LY96: variants seen among roughly 807,000 people sequenced by gnomAD.
The protein encoded by LY96 is lymphocyte antigen 96.
Under a neutral mutation model 18.9 loss-of-function variants are expected in LY96, and 18 were observed. That is an observed-to-expected ratio of 0.95 (90% CI 0.66 to 1.41). LY96 has a LOEUF of 1.41. LY96 is among the 40% of genes most tolerant of loss of function. The pLI, the probability that LY96 is intolerant of heterozygous loss-of-function variation, is 0.00. For missense variants in LY96, 175 were observed against 182.4 expected (o/e 0.96, Z 0.23); for synonymous variants, 66 against 62.6 (o/e 1.06, Z -0.26).
chr8:74,083,936 C>T, the LY96 span, among the ~76,000 whole-genome samples: 1 of 152,090 alleles, frequency 6.6e-6, no homozygotes, highest in Admixed American at 6.5e-5. Context: ...ATCCTTCCAC[C>T]TTGGCCTCCC....
chr8:74,013,410 C>T (rs999296765), intron 3 of LY96, among the ~76,000 whole-genome samples: 1 of 152,082 alleles, frequency 6.6e-6, no homozygotes. Flanking sequence ...GCTGAGATTA[C>T]AGGTGTGAGC....
chr8:74,088,083 A>AGAATAGAAT, the LY96 span, among the ~76,000 whole-genome samples: 11 of 120,324 alleles, frequency 9.1e-5, no homozygotes, highest in Non-Finnish European at 1.7e-5. Flanking sequence ...TCACTGAGAG[A>AGAATAGAAT]AGAATAGAAT....
chr8:74,076,856 C>G, the LY96 span, among the ~76,000 whole-genome samples: 31 of 152,210 alleles, frequency 2.0e-4, no homozygotes, highest in African/African-American at 7.0e-4. Context: ...GACTATCTAC[C>G]TGAAGTTGGC....
At chr8:74,014,883 A>G (rs2131272900) in intron 3 of LY96, among the ~76,000 whole-genome samples, 1 of 151,754 alleles carries the variant, frequency 6.6e-6, no homozygotes, top group South Asian at 2.1e-4. Context: ...TTTATGAATC[A>G]ATGGATGGAT....
At chr8:73,996,386 T>TTTCC (rs1816141679) in intron 1 of LY96, among the ~76,000 whole-genome samples, 1 of 42,522 alleles carries the variant, frequency 2.4e-5, no homozygotes, top group Non-Finnish European at 4.6e-5. Flanking sequence ...TCTTTCTTTC[T>TTTCC]TTCTTTCTTT....
downstream of LY96, among the ~76,000 whole-genome samples, chr8:74,031,590 C>A (rs549486262): frequency 6.0e-5 from 9 of 151,064 alleles, no homozygotes; most frequent in Admixed American, 3.3e-4. Context: ...CGAGATCGTG[C>A]CACTACTGCA....
downstream of LY96, among the ~76,000 whole-genome samples, chr8:74,033,492 G>T (rs1817002998): frequency 6.6e-6 from 1 of 152,178 alleles, no homozygotes; most frequent in South Asian, 2.1e-4. Context: ...TTTGATATAG[G>T]GTCTTGCTCC....
chr8:74,096,408 T>C, the LY96 span, among the ~76,000 whole-genome samples: 2 of 152,218 alleles, frequency 1.3e-5, no homozygotes, highest in Non-Finnish European at 2.9e-5. Context: ...GATGTGTTTC[T>C]ATTTTAGGGC....
At chr8:74,090,680 A>G in the LY96 span, among the ~76,000 whole-genome samples, 726 of 152,326 alleles carry the variant, frequency 4.8e-3, 5 homozygotes, top group African/African-American at 0.017. Flanking sequence ...TCCGTCCCCA[A>G]CTTGGCAATG....
chr8:74,042,025 C>A, the LY96 span, among the ~76,000 whole-genome samples: 9 of 152,284 alleles, frequency 5.9e-5, 1 homozygote, highest in African/African-American at 2.2e-4. Context: ...CCCCTGTAGG[C>A]CCAGCTGTAA....
downstream of LY96, among the ~76,000 whole-genome samples, chr8:74,032,413 C>G (rs10105075): frequency 0.056 from 8,561 of 152,296 alleles, 788 homozygotes; most frequent in African/African-American, 0.19. Flanking sequence ...AACCCCTGAC[C>G]GATTCCAGAC....
chr8:73,994,575 C>T (rs566730304), intron 1 of LY96, among the ~76,000 whole-genome samples: 1 of 152,272 alleles, frequency 6.6e-6, no homozygotes, highest in African/African-American at 2.4e-5. Context: ...CAGCCTCAAA[C>T]TCTGAGGTTC....
the LY96 span, among the ~76,000 whole-genome samples, chr8:74,067,513 T>C: frequency 6.6e-6 from 1 of 152,016 alleles, no homozygotes; most frequent in East Asian, 1.9e-4. Flanking sequence ...CCGCCTTCCA[T>C]GTGTTTTTTT....
chr8:74,071,760 T>A, the LY96 span, among the ~76,000 whole-genome samples: 1 of 152,198 alleles, frequency 6.6e-6, no homozygotes, highest in African/African-American at 2.4e-5. Flanking sequence ...TTTTGAGAAT[T>A]ATGTAAACAA....
At chr8:74,027,333 G>C (rs952366727) in intron 4 of LY96, among the ~76,000 whole-genome samples, 2 of 139,118 alleles carry the variant, frequency 1.4e-5, no homozygotes, top group African/African-American at 5.4e-5. Context: ...TTTTTTAACT[G>C]AGTCTTGCTC....
the LY96 span, among the ~76,000 whole-genome samples, chr8:74,087,836 A>T: frequency 6.6e-6 from 1 of 151,962 alleles, no homozygotes; most frequent in Non-Finnish European, 1.5e-5. Flanking sequence ...TTAATATTCA[A>T]ATTATTAGTT....
intron 1 of LY96, among the ~76,000 whole-genome samples, chr8:73,993,656 T>A (rs1359421047): frequency 6.6e-6 from 1 of 152,172 alleles, no homozygotes; most frequent in Admixed American, 6.5e-5. Flanking sequence ...TTGACCAGGC[T>A]GGCCTCCAAC....
chr8:74,003,376 C>G (rs1450511562), intron 1 of LY96, among the ~76,000 whole-genome samples: 2 of 152,170 alleles, frequency 1.3e-5, no homozygotes, highest in Non-Finnish European at 2.9e-5. Context: ...GGCACAAAAG[C>G]AAGGATATAG....
the LY96 span, among the ~76,000 whole-genome samples, chr8:74,042,094 T>C: frequency 5.5e-4 from 83 of 152,240 alleles, no homozygotes; most frequent in African/African-American, 1.9e-3. Flanking sequence ...TTACGGAAAA[T>C]AGAAAGAACC....
Sources: allele counts gnomAD v4.1 joint callset (sites outside exome capture counted in the v4.1 genomes callset), GRCh38; gene constraint gnomAD v4.1.1; transcripts MANE v1.5; gene names NCBI Gene and HGNC (gene_info 2026-07-23, HGNC 2026-07-21).